The following JAZF1 variants were observed in gnomAD, a reference collection of about 807,000 sequenced individuals.
JAZF1 encodes the protein JAZF zinc finger 1, also known as juxtaposed with another zinc finger protein 1.
Under a neutral mutation model 26.4 loss-of-function variants are expected in JAZF1, and 8 were observed. The ratio of observed to expected loss-of-function variants is 0.30; its 90% CI spans 0.18 to 0.55. The LOEUF is 0.55. Among genes scored for constraint, JAZF1 ranks in the 20% least tolerant of loss-of-function variants. The pLI, the probability that JAZF1 is intolerant of heterozygous loss-of-function variation, is 0.94. For missense variants in JAZF1, 199 were observed against 322.0 expected (o/e 0.62, Z 2.92); for synonymous variants, 126 against 122.3 (o/e 1.03, Z -0.20).
intron 1 of JAZF1, among the ~76,000 whole-genome samples, chr7:28,160,852 A>G (rs1253934020): frequency 1.3e-5 from 2 of 152,198 alleles, no homozygotes; most frequent in Non-Finnish European, 2.9e-5. Context: ...AATTGTCAAG[A>G]AGGAGGTAGT....
chr7:28,168,732 C>T (rs1391949996), intron 1 of JAZF1, among the ~76,000 whole-genome samples: 2 of 152,212 alleles, frequency 1.3e-5, no homozygotes, highest in Non-Finnish European at 2.9e-5. Flanking sequence ...TATTAAAGGC[C>T]TGCCTCCAGT....
intron 3 of JAZF1, among the ~76,000 whole-genome samples, chr7:27,848,875 G>A (rs568814205): frequency 6.6e-6 from 1 of 152,110 alleles, no homozygotes; most frequent in South Asian, 2.1e-4. Flanking sequence ...GCCTAAGAAT[G>A]GGCAAATTTT....
intron 2 of JAZF1, among the ~76,000 whole-genome samples, chr7:27,983,698 G>A (rs956663710): frequency 6.6e-6 from 1 of 152,230 alleles, no homozygotes; most frequent in Non-Finnish European, 1.5e-5. Context: ...GGCAGCCAGA[G>A]AGAAAGGTCG....
At chr7:27,864,140 G>C (rs1269030868) in intron 3 of JAZF1, 1 of 152,230 alleles carries the variant, frequency 6.6e-6, no homozygotes, top group African/African-American at 2.4e-5. Context: ...GCACAGAGGA[G>C]GCTGTGACTC....
chr7:27,904,867 A>C (rs1020631582), intron 2 of JAZF1, among the ~76,000 whole-genome samples: 7 of 152,174 alleles, frequency 4.6e-5, no homozygotes, highest in African/African-American at 1.7e-4. Context: ...AGCTAATGAA[A>C]TAGATTGTGT....
At chr7:28,008,504 C>T (rs1160992917) in intron 1 of JAZF1, among the ~76,000 whole-genome samples, 1 of 152,230 alleles carries the variant, frequency 6.6e-6, no homozygotes, top group African/African-American at 2.4e-5. Flanking sequence ...CCTACCCCAG[C>T]TTCCAAGACA....
At chr7:27,889,892 C>T (rs147374661) in intron 3 of JAZF1, among the ~76,000 whole-genome samples, 1,758 of 151,170 alleles carry the variant, frequency 0.012, 36 homozygotes, top group African/African-American at 0.04. Context: ...GAGATCACAC[C>T]ACTGCACTCC....
chr7:28,166,343 G>A (rs1452535084), intron 1 of JAZF1, among the ~76,000 whole-genome samples: 3 of 152,228 alleles, frequency 2.0e-5, no homozygotes, highest in Non-Finnish European at 4.4e-5. Flanking sequence ...ACAAGGCCCA[G>A]CCTGGGGTTT....
rs765279358 is a variant in JAZF1, at chr7:27,831,314, A to G, written c.*1486T>C. The stretch of plus-strand genomic sequence containing the variant: ...CCTGCTTCCCAGTTATATGTGATGT[A>G]AGACTTTTCATCAAATGGGAACATG... On this transcript the variant is annotated 3_prime_UTR_variant, in exon 5 of 5. Coordinates refer to ENST00000283928, the MANE Select transcript of JAZF1 (RefSeq NM_175061.4). The G allele has an allele frequency of 1.3e-5, 3 of 226,844 alleles. No individual in the cohort carries two copies. The highest frequency in any genetic ancestry group is 2.6e-5 in the Non-Finnish European group (3 of 113,850). The allele number at this position is 226,844 out of a possible 1,614,324, so 14.1% of individuals were successfully genotyped here.
At chr7:27,890,784 CTTTTTTTTTT>C (rs70977008) in intron 3 of JAZF1, among the ~76,000 whole-genome samples, 2 of 92,026 alleles carry the variant, frequency 2.2e-5, no homozygotes, top group African/African-American at 8.8e-5. Flanking sequence ...GATGTTACTA[CTTTTTTTTTT>C]TTTTTTTTTT....
At chr7:27,878,864 T>C (rs1225641133) in intron 3 of JAZF1, among the ~76,000 whole-genome samples, 1 of 152,226 alleles carries the variant, frequency 6.6e-6, no homozygotes, top group Non-Finnish European at 1.5e-5. Flanking sequence ...ATCCCTGTTC[T>C]TACCAGGCAA....
At chr7:27,938,235 G>A (rs1156652728) in intron 2 of JAZF1, among the ~76,000 whole-genome samples, 3 of 152,102 alleles carry the variant, frequency 2.0e-5, no homozygotes, top group Non-Finnish European at 2.9e-5. Context: ...AATGAGCCCC[G>A]CTATTTTATG....
chr7:28,153,865 C>T (rs1053862805), intron 1 of JAZF1, among the ~76,000 whole-genome samples: 1 of 152,198 alleles, frequency 6.6e-6, no homozygotes, highest in Non-Finnish European at 1.5e-5. Flanking sequence ...GGGATGTCTG[C>T]AGCTCAGAAC....
At chr7:27,866,001 C>T (rs1297843495) in intron 3 of JAZF1, among the ~76,000 whole-genome samples, 2 of 152,106 alleles carry the variant, frequency 1.3e-5, no homozygotes, top group Non-Finnish European at 2.9e-5. Context: ...ATCATGTATG[C>T]GGCACTTTGA....
At chr7:27,842,155 C>CAGGA (rs968892623) in intron 3 of JAZF1, 3 of 152,102 alleles carry the variant, frequency 2.0e-5, no homozygotes, top group Non-Finnish European at 2.9e-5. Context: ...TGAAAGGAGC[C>CAGGA]AGGAAGGAAG....
At chr7:27,861,339 G>C (rs938147863) in intron 3 of JAZF1, among the ~76,000 whole-genome samples, 3 of 151,814 alleles carry the variant, frequency 2.0e-5, no homozygotes, top group African/African-American at 7.3e-5. Flanking sequence ...TCCTCTCTTA[G>C]CTGTCTTTCT....
intron 1 of JAZF1, among the ~76,000 whole-genome samples, chr7:28,047,665 A>T (rs1783519839): frequency 6.6e-6 from 1 of 152,126 alleles, no homozygotes; most frequent in African/African-American, 2.4e-5. Flanking sequence ...AACTTTATTG[A>T]AGCTTTATTT....
chr7:27,846,055 A>G (rs1783025568), intron 3 of JAZF1, among the ~76,000 whole-genome samples: 1 of 152,064 alleles, frequency 6.6e-6, no homozygotes, highest in Non-Finnish European at 1.5e-5. Flanking sequence ...CCACTACCAC[A>G]AAGCTCTCTA....
At chr7:27,883,816 T>A (rs1783812096) in intron 3 of JAZF1, among the ~76,000 whole-genome samples, 1 of 152,246 alleles carries the variant, frequency 6.6e-6, no homozygotes, top group African/African-American at 2.4e-5. Flanking sequence ...TCTTTATCTT[T>A]TCTTCTCTGC....
Sources: allele counts gnomAD v4.1 joint callset (sites outside exome capture counted in the v4.1 genomes callset), GRCh38; gene constraint gnomAD v4.1.1; transcripts MANE v1.5; gene names NCBI Gene and HGNC (gene_info 2026-07-23, HGNC 2026-07-21).